CNGB1: variants seen among roughly 807,000 people sequenced by gnomAD.
CNGB1 encodes cyclic nucleotide gated channel subunit beta 1.
A neutral mutation model predicts 151.7 loss-of-function variants in CNGB1; 126 were observed. That is an observed-to-expected ratio of 0.83 (90% CI 0.72 to 0.96). CNGB1 has a LOEUF of 0.96. CNGB1 is among the 40% of genes least tolerant of loss of function. The pLI is 0.00. For missense variants in CNGB1, 1,698 were observed against 1,627.0 expected (o/e 1.04, Z -0.75); for synonymous variants, 623 against 635.1 (o/e 0.98, Z 0.29).
rs192906357 is a variant in CNGB1 at position 57,921,396 on chromosome 16, A to G, written c.1644-852T>C. 1.9e-3 allele frequency among the ~76,000 whole-genome samples: 289 copies of G among 151,972 alleles called. 1 individual carries two copies. The highest frequency in any genetic ancestry group is 2.9e-3 in the Non-Finnish European group (195 of 67,952). On this transcript the variant is annotated intron_variant, in intron 18 of 32. Coordinates refer to ENST00000251102, the MANE Select transcript of CNGB1 (RefSeq NM_001297.5). ...GCCACCAAGCCTGACTAATTTTTGT[A>G]GTTTTAGTAGAGAGGGGGTTTCACC...
intron 25 of CNGB1, among the ~76,000 whole-genome samples, chr16:57,909,311 T>G (rs1960643075): frequency 6.6e-6 from 1 of 152,190 alleles, no homozygotes; most frequent in Admixed American, 6.5e-5. Flanking sequence ...GGCATATATA[T>G]GGGAACTCTC....
At position 57,960,053 on chromosome 16, in the gene CNGB1, C is replaced by A. The variant is rs761720019; in HGVS notation, c.596G>T (p.Arg199Leu). 6.4e-7 allele frequency: 1 copy of A among 1,556,932 alleles called. No individual in the cohort carries two copies. Among genetic ancestry groups the A allele is most frequent in the Non-Finnish European group, 8.7e-7 (1 of 1,155,360 alleles). The change falls in exon 10 of 33, where the codon CGC becomes CTC. Residue 199 changes from arginine (R) to leucine (L), a missense_variant. Transcript: ENST00000251102. ...GAASDPAPPG[R>L]PQEMGPKLQA... Reference sequence around the variant, plus strand: ...CAGCTTGGGCCCCATTTCCTGGGGGCGTCCTGGAGGCGCTAAGCAGCGGGG... The same window carrying A: ...CAGCTTGGGCCCCATTTCCTGGGGGAGTCCTGGAGGCGCTAAGCAGCGGGG...
chr16:57,899,047 C>CA (rs1419884427), intron 29 of CNGB1, among the ~76,000 whole-genome samples: 7 of 151,864 alleles, frequency 4.6e-5, no homozygotes, highest in African/African-American at 7.3e-5. Context: ...TGAGGAGACA[C>CA]AAAAAAAACT....
At chr16:57,903,332 T>TA (rs752922033) in intron 27 of CNGB1, among the ~76,000 whole-genome samples, 79 of 150,886 alleles carry the variant, frequency 5.2e-4, no homozygotes, top group Non-Finnish European at 4.7e-4. Context: ...TCTCTACTAA[T>TA]AATATAAAAA....
In CNGB1 at chr16:57,952,561, G is replaced by C. The variant is rs571979956; in HGVS notation, c.875-2021C>G. On this transcript the variant is annotated intron_variant, in intron 12 of 32. Transcript: ENST00000251102. ...TGTGACACCCAGGCTTGAGTGCAAT[G>C]GTATGATCTTGGCTCACTGCAACCT... is the stretch of plus-strand genomic sequence containing the variant. 5.0e-5 allele frequency among the ~76,000 whole-genome samples: 6 copies of C among 119,496 alleles called. No homozygotes were observed. In the East Asian group the frequency reaches 1.7e-3, roughly 34 times the overall value. 78.4% of individuals were successfully genotyped at this position (119,496 alleles called of 152,430 possible). A position where few individuals can be genotyped will look rare whatever the true frequency, so the allele number is the denominator to read the frequency against.
At chr16:57,888,173 G>A in intron 31 of CNGB1, 99 bp from the exon 32 acceptor site, 1 of 1,298,356 alleles carries the variant, frequency 7.7e-7, no homozygotes, top group South Asian at 1.2e-5. Flanking sequence ...GTGTAGTGGT[G>A]GTGATTTTGG....
At chr16:57,915,897 C>CAAAAAAAAAA (rs36093437) in intron 22 of CNGB1, among the ~76,000 whole-genome samples, 1 of 103,270 alleles carries the variant, frequency 9.7e-6, no homozygotes. Context: ...GACCCTGTCT[C>CAAAAAAAAAA]AAAAAAAAAA....
chr16:57,949,482 G>A (rs1478298427), intron 13 of CNGB1, 43 bp from the exon 14 acceptor site: 2 of 1,611,766 alleles, frequency 1.2e-6, no homozygotes, highest in East Asian at 4.5e-5. Flanking sequence ...ACCCGAAGCT[G>A]CCCCGCTGAG....
rs71155213 is a variant in CNGB1 at position 57,882,799 on chromosome 16, C to CTTTTTTT, written c.*1358_*1364dup. ...CCTTTTTTCTTTTTTTTTCTTTTTT[C>CTTTTTTT]TTTTTTTTTTTTTGTCTGAATCATA... On this transcript the variant is annotated 3_prime_UTR_variant, in exon 33 of 33. Coordinates refer to ENST00000251102, the MANE Select transcript of CNGB1 (RefSeq NM_001297.5). The CTTTTTTT allele has an allele frequency of 1.0e-4, 14 of 136,050 alleles. No individual in the cohort carries two copies. The highest frequency in any genetic ancestry group is 1.4e-4 in the African/African-American group (5 of 36,716). 8.4% of individuals were successfully genotyped at this position (136,050 alleles called of 1,614,324 possible).
rs555221121 is a variant in CNGB1 at position 57,970,213 on chromosome 16, C to T, written c.-9+847G>A. 1.3e-5 allele frequency among the ~76,000 whole-genome samples: 2 copies of T among 152,262 alleles called. 1 individual carries two copies. The highest frequency in any genetic ancestry group is 4.1e-4 in the South Asian group (2 of 4,822). ...TTCCATTTCCCTGAAGGTGGGGGCACAGACACAATGTTTTCCCAGGTCGGG... is the reference window on the plus strand; with the variant it reads ...TTCCATTTCCCTGAAGGTGGGGGCATAGACACAATGTTTTCCCAGGTCGGG... On this transcript the variant is annotated intron_variant, in intron 1 of 32. Transcript: ENST00000251102.
chr16:57,904,021 T>C lies in CNGB1; in HGVS notation c.2635-40A>G, dbSNP rs1456850789. The C allele has an allele frequency of 3.1e-6, 5 of 1,593,310 alleles. No individual in the cohort carries two copies. The African/African-American group carries it at 5.4e-5, about 17-fold the overall frequency. On this transcript the variant is annotated intron_variant, in intron 26 of 32. Coordinates refer to ENST00000251102, the MANE Select transcript of CNGB1 (RefSeq NM_001297.5). Reference sequence around the variant, plus strand: ...ATGGGAGGTCAAGGAAGCCACTGGGTCATTGGGGGTGGGCGCTATTCCATG... The same window carrying C: ...ATGGGAGGTCAAGGAAGCCACTGGGCCATTGGGGGTGGGCGCTATTCCATG...
At chr16:57,947,879 T>C (rs1421523017) in intron 14 of CNGB1, among the ~76,000 whole-genome samples, 1 of 152,202 alleles carries the variant, frequency 6.6e-6, no homozygotes, top group Non-Finnish European at 1.5e-5. Context: ...TTATCCCCCA[T>C]TTTACAGATG....
intron 29 of CNGB1, among the ~76,000 whole-genome samples, chr16:57,900,641 G>T (rs1429818372): frequency 6.6e-6 from 1 of 152,072 alleles, no homozygotes; most frequent in African/African-American, 2.4e-5. Flanking sequence ...GGGGGTTCTA[G>T]GGTGGGGCAG....
intron 8 of CNGB1, 98 bp downstream of exon 8, chr16:57,960,742 G>C: frequency 2.2e-6 from 3 of 1,380,810 alleles, no homozygotes; most frequent in South Asian, 2.5e-5. Context: ...TGAGTTCTGG[G>C]GTGGGTGGGG....
At chr16:57,911,919 A>G (rs1960727680) in intron 24 of CNGB1, 44 bp from the exon 25 acceptor site, 1 of 1,607,846 alleles carries the variant, frequency 6.2e-7, no homozygotes, top group Non-Finnish European at 8.5e-7. Flanking sequence ...CGGAAGGGGG[A>G]GGTGAGGTAT....
Position 57,950,456 on chromosome 16 carries a change from A to G in CNGB1, c.959T>C (p.Val320Ala). The G allele has an allele frequency of 6.2e-7, 1 of 1,614,220 alleles. No individual in the cohort carries two copies. Among genetic ancestry groups the G allele is most frequent in the South Asian group, 1.1e-5 (1 of 91,086 alleles). The change falls in exon 13 of 33, where the codon GTC becomes GCC. Residue 320 changes from valine to alanine, a missense_variant. Physicochemically the swap from Val to Ala is moderately conservative, Grantham distance 64 (BLOSUM62 0). Transcript: ENST00000251102. The part of the protein sequence containing the change: ...EPPWEDAHQD[V>A]STSPQGTEVV... The stretch of plus-strand genomic sequence containing the variant: ...CTCTGTACCCTGTGGGCTGGTACTG[A>G]CATCCTGGTGGGCATCCTCCCAGGG...
intron 7 of CNGB1, among the ~76,000 whole-genome samples, chr16:57,961,865 A>C (rs1259147806): frequency 1.3e-5 from 2 of 152,230 alleles, no homozygotes; most frequent in Admixed American, 6.5e-5. Flanking sequence ...AATGGGGTGA[A>C]TGGAAATGAA....
intron 32 of CNGB1, among the ~76,000 whole-genome samples, chr16:57,887,646 C>T (rs559607911): frequency 6.6e-6 from 1 of 152,172 alleles, no homozygotes; most frequent in Non-Finnish European, 1.5e-5. Context: ...CTTGCCTGAA[C>T]TTTTCGATTA....
At chr16:57,942,439 G>A (rs1596999539) in intron 14 of CNGB1, among the ~76,000 whole-genome samples, 2 of 152,084 alleles carry the variant, frequency 1.3e-5, no homozygotes, top group South Asian at 4.2e-4. Flanking sequence ...TATTAACAAT[G>A]AACTATCTGA....
Sources: gnomAD v4.1 joint callset for allele counts (sites outside exome capture counted in the v4.1 genomes callset) on GRCh38, gnomAD v4.1.1 for gene constraint, MANE v1.5 for transcripts, NCBI Gene and HGNC (gene_info 2026-07-23, HGNC 2026-07-21) for gene names.